The following DOCK3 variants were observed in gnomAD, a reference collection of about 807,000 sequenced individuals.
DOCK3 encodes the protein dedicator of cytokinesis 3.
In DOCK3, 60 loss-of-function variants were observed where a neutral mutation model predicts 265.6. The ratio of observed to expected loss-of-function variants is 0.23; its 90% confidence interval spans 0.18 to 0.28. The LOEUF (loss-of-function observed/expected upper bound fraction) is 0.28, where lower values mean the gene tolerates loss of function less well. Ranked by LOEUF, DOCK3 falls within the 10% of genes least tolerant of loss-of-function variation. The pLI is 1.00. For missense variants in DOCK3, 1,981 were observed against 2,594.3 expected, an observed-to-expected ratio of 0.76 and a Z score of 5.14; for synonymous variants, 881 against 938.0, an observed-to-expected ratio of 0.94 and a Z score of 1.11.
chr3:50,905,075 T>A (rs1198602657), intron 4 of DOCK3, among the ~76,000 whole-genome samples: 1 of 152,098 alleles, frequency 6.6e-6, no homozygotes, highest in Non-Finnish European at 1.5e-5. Flanking sequence ...TGGTTGTAGA[T>A]GTGTGGTATT....
At chr3:51,050,650 T>G (rs946387835) in intron 5 of DOCK3, among the ~76,000 whole-genome samples, 2 of 152,130 alleles carry the variant, frequency 1.3e-5, no homozygotes, top group Non-Finnish European at 2.9e-5. Context: ...GAGAGACAAA[T>G]GGAGGGCAGG....
intron 5 of DOCK3, among the ~76,000 whole-genome samples, chr3:50,995,699 T>G (rs575322499): frequency 2.0e-5 from 3 of 151,630 alleles, no homozygotes; most frequent in African/African-American, 7.3e-5. Flanking sequence ...GTTCAGGAGG[T>G]GTGGTCAGGA....
At chr3:51,187,500 T>C (rs1183621926) in intron 12 of DOCK3, among the ~76,000 whole-genome samples, 1 of 152,154 alleles carries the variant, frequency 6.6e-6, no homozygotes, top group Non-Finnish European at 1.5e-5. Flanking sequence ...TTTGGGGGAC[T>C]GTTGGGATGG....
chr3:51,021,805 G>A (rs2079605904), intron 5 of DOCK3, among the ~76,000 whole-genome samples: 1 of 151,978 alleles, frequency 6.6e-6, no homozygotes, highest in South Asian at 2.1e-4. Context: ...GGGATTACAG[G>A]TGCCCACCAC....
intron 5 of DOCK3, among the ~76,000 whole-genome samples, chr3:51,034,181 A>G (rs1303241090): frequency 6.6e-6 from 1 of 152,126 alleles, no homozygotes; most frequent in Admixed American, 6.6e-5. Context: ...TCGTATTGAA[A>G]GTACATCTCT....
intron 5 of DOCK3, among the ~76,000 whole-genome samples, chr3:50,950,746 C>T (rs192915380): frequency 1.3e-5 from 2 of 152,150 alleles, no homozygotes; most frequent in Non-Finnish European, 2.9e-5. Context: ...TACCCAAAAC[C>T]CAGGGATTGG....
At chr3:50,787,551 C>A (rs928492877) in intron 2 of DOCK3, 8 of 745,368 alleles carry the variant, frequency 1.1e-5, no homozygotes, top group Non-Finnish European at 1.1e-5. Context: ...AAAAACAACC[C>A]TGGGTCACTT....
rs144597486 is a variant in DOCK3 at position 51,179,591 on chromosome 3, A to G, written c.1037+18889A>G. 3.2e-3 allele frequency among the ~76,000 whole-genome samples: 485 copies of G among 152,334 alleles called. 2 individuals carry two copies. Among genetic ancestry groups the G allele is most frequent in the Non-Finnish European group, 5.2e-3 (354 of 68,026 alleles). ...ACATACAATGTAGAATAGCATAAAT[A>G]TAAATATCTAATGTGCGTATACATG... is the stretch of plus-strand genomic sequence containing the variant. On this transcript the variant is annotated intron_variant, in intron 12 of 52. Transcript: ENST00000266037.
chr3:51,348,181 C>A (rs1283045323), intron 38 of DOCK3, among the ~76,000 whole-genome samples: 1 of 152,166 alleles, frequency 6.6e-6, no homozygotes, highest in African/African-American at 2.4e-5. Context: ...AGCCTTCTCT[C>A]AGGCTGTTGC....
chr3:51,202,344 C>T (rs988547859), intron 12 of DOCK3, among the ~76,000 whole-genome samples: 39 of 149,874 alleles, frequency 2.6e-4, no homozygotes, highest in Admixed American at 2.7e-4. Context: ...ATATCACCAC[C>T]GATCCCACAG....
chr3:51,025,222 G>A (rs1302697591), intron 5 of DOCK3, among the ~76,000 whole-genome samples: 1 of 152,146 alleles, frequency 6.6e-6, no homozygotes, highest in Non-Finnish European at 1.5e-5. Context: ...CCTGAGCTCT[G>A]ATTCTCCTTG....
At chr3:51,375,937 C>A in intron 51 of DOCK3, 102 bp downstream of exon 51, 2 of 1,191,154 alleles carry the variant, frequency 1.7e-6, no homozygotes, top group Non-Finnish European at 2.5e-6. Context: ...CATACTTCAA[C>A]ACTCAGGTCT....
At chr3:50,729,824 A>G (rs1269922506) in intron 1 of DOCK3, among the ~76,000 whole-genome samples, 1 of 109,058 alleles carries the variant, frequency 9.2e-6, no homozygotes, top group Non-Finnish European at 1.9e-5. Context: ...TCTGAATTTC[A>G]TTTTTTTTTT....
At chr3:51,058,378 ATCTT>A (rs1165452331) in intron 5 of DOCK3, among the ~76,000 whole-genome samples, 1 of 152,212 alleles carries the variant, frequency 6.6e-6, no homozygotes, top group Non-Finnish European at 1.5e-5. Flanking sequence ...TATTGTAGTT[ATCTT>A]TGGAAAATGC....
intron 27 of DOCK3, among the ~76,000 whole-genome samples, chr3:51,299,957 A>G (rs2082287743): frequency 1.3e-5 from 2 of 152,190 alleles, no homozygotes; most frequent in East Asian, 1.9e-4. Flanking sequence ...AAGAATGTCA[A>G]TGGTAGTTTA....
intron 5 of DOCK3, among the ~76,000 whole-genome samples, chr3:50,949,475 T>C (rs2076533510): frequency 6.6e-6 from 1 of 152,206 alleles, no homozygotes; most frequent in Admixed American, 6.5e-5. Flanking sequence ...TTTTAGTCTT[T>C]ACCCATGTTT....
At chr3:51,048,274 A>G (rs1020568660) in intron 5 of DOCK3, among the ~76,000 whole-genome samples, 1 of 152,178 alleles carries the variant, frequency 6.6e-6, no homozygotes, top group Non-Finnish European at 1.5e-5. Flanking sequence ...CACAGCTTAT[A>G]TCATACTCAG....
intron 35 of DOCK3, among the ~76,000 whole-genome samples, chr3:51,334,728 C>T (rs1199487767): frequency 2.0e-5 from 3 of 152,168 alleles, no homozygotes; most frequent in Admixed American, 1.3e-4. Context: ...AGTGCTGCAC[C>T]TCCCCCTTTC....
chr3:50,808,771 A>G (rs1235174757), intron 2 of DOCK3, among the ~76,000 whole-genome samples: 1 of 152,216 alleles, frequency 6.6e-6, no homozygotes, highest in Non-Finnish European at 1.5e-5. Flanking sequence ...CTCCGTGGAG[A>G]TATATCATCC....
Sources: allele counts gnomAD v4.1 joint callset (sites outside exome capture counted in the v4.1 genomes callset), GRCh38; gene constraint gnomAD v4.1.1; transcripts MANE v1.5; gene names NCBI Gene and HGNC (gene_info 2026-07-23, HGNC 2026-07-21).